Variants in GLRA1 observed in about 807,000 individuals in gnomAD.
GLRA1 encodes glycine receptor alpha 1, also known as glycine receptor subunit alpha-1.
A neutral mutation model predicts 48.3 loss-of-function variants in GLRA1; 37 were observed. The ratio of observed to expected loss-of-function variants is 0.77; its 90% confidence interval spans 0.59 to 1.01. The LOEUF (loss-of-function observed/expected upper bound fraction) is 1.01. Among genes scored for constraint, GLRA1 ranks in the 50% least tolerant of loss-of-function variants. The pLI, the probability that GLRA1 is intolerant of heterozygous loss-of-function variation, is 0.00. For synonymous variants in GLRA1, 196 were observed against 210.7 expected, an observed-to-expected ratio of 0.93 and a Z score of 0.60; for missense variants, 427 against 571.0, an observed-to-expected ratio of 0.75 and a Z score of 2.57.
chr5:151,924,421 C>A lies in GLRA1; in HGVS notation c.56+73G>T, dbSNP rs1199487547. 7 of 931,936 alleles carry A rather than the reference C, an allele frequency of 7.5e-6. No individual in the cohort carries two copies. In the East Asian group the frequency reaches 1.7e-4, roughly 22 times the overall value. 57.7% of individuals were successfully genotyped at this position (931,936 alleles called of 1,614,324 possible). A position where few individuals can be genotyped will look rare whatever the true frequency, so the allele number is the denominator to read the frequency against. On this transcript the variant is annotated intron_variant, in intron 1 of 8. Coordinates refer to ENST00000274576, the MANE Select transcript of GLRA1 (RefSeq NM_000171.4). ...CCTCTTCCCCAAAATGATGGGACCACGGACAGAGGTAGCCTCCGTACTCTT... is the reference window on the plus strand; with the variant it reads ...CCTCTTCCCCAAAATGATGGGACCAAGGACAGAGGTAGCCTCCGTACTCTT...
chr5:151,849,133 TTTC>T lies in GLRA1; in HGVS notation c.912+2254_912+2256del, dbSNP rs1561554326. 1,246 of 210,486 alleles carry T rather than the reference TTTC, an allele frequency of 5.9e-3. 72 individuals are homozygous for T. Among genetic ancestry groups the T allele is most frequent in the African/African-American group, 0.049 (1,152 of 23,278 alleles). 13.0% of individuals were successfully genotyped at this position (210,486 alleles called of 1,614,324 possible). ...CTTTCTTTCTTTCTTTCTTTCTTTC[TTTC>T]TTTCTTTCTTTCTTTCTTTTCTTTT... is the stretch of plus-strand genomic sequence containing the variant. On this transcript the variant is annotated intron_variant, in intron 7 of 8. Transcript: ENST00000274576.
At chr5:151,826,719 G>A (rs1225100870) in intron 8 of GLRA1, among the ~76,000 whole-genome samples, 1 of 152,154 alleles carries the variant, frequency 6.6e-6, no homozygotes, top group Admixed American at 6.6e-5. Flanking sequence ...TTCTTTTAGT[G>A]TGTCAAACTG....
Position 151,850,692 on chromosome 5 carries a change from G to C in GLRA1, c.912+698C>G, listed in dbSNP as rs6896784. 13,588 of 1,208,984 alleles carry C rather than the reference G, an allele frequency of 0.011. 1,057 individuals carry two copies. The African/African-American group carries it at 0.17, about 15-fold the overall frequency. The allele number at this position is 1,208,984 out of a possible 1,614,324, so 74.9% of individuals were successfully genotyped here. ...GAGAAGAAGGGTTACTTTGAAGACT[G>C]TTGCCCCTCTGCCACTGCGAACCCT... On this transcript the variant is annotated intron_variant, in intron 7 of 8. Transcript: ENST00000274576.
intron 1 of GLRA1, among the ~76,000 whole-genome samples, chr5:151,897,299 C>G (rs903015713): frequency 6.6e-6 from 1 of 152,150 alleles, no homozygotes; most frequent in South Asian, 2.1e-4. Context: ...AGATATGCAT[C>G]GGGGAGCTCT....
At position 151,885,384 on chromosome 5, in the gene GLRA1, A is replaced by G. The variant is rs1753874594; in HGVS notation, c.252+1337T>C. ...ACATAAGCAGGTTGGTACAGTGGTA[A>G]TTGTAAGTGACAAGTGCTGTTGTGG... On this transcript the variant is annotated intron_variant, in intron 3 of 8. Coordinates refer to ENST00000274576, the MANE Select transcript of GLRA1 (RefSeq NM_000171.4). Among the ~76,000 whole-genome samples the G allele has an allele frequency of 2.0e-5, 3 of 152,206 alleles. No individual in the cohort carries two copies. The South Asian group carries it at 6.2e-4, about 31-fold the overall frequency.
intron 1 of GLRA1, among the ~76,000 whole-genome samples, chr5:151,899,394 G>A (rs1228563309): frequency 6.6e-6 from 1 of 152,132 alleles, no homozygotes. Context: ...GTGTATTCAG[G>A]GGAGAAAGCT....
chr5:151,874,344 G>C (rs1178650178), intron 3 of GLRA1, among the ~76,000 whole-genome samples: 1 of 152,196 alleles, frequency 6.6e-6, no homozygotes, highest in Non-Finnish European at 1.5e-5. Context: ...CCAACATTAT[G>C]CAATATATCC....
chr5:151,905,831 T>G (rs1754460938), intron 1 of GLRA1, among the ~76,000 whole-genome samples: 1 of 152,232 alleles, frequency 6.6e-6, no homozygotes, highest in African/African-American at 2.4e-5. Context: ...TTGTAGACAT[T>G]GGAACGTGCT....
intron 1 of GLRA1, among the ~76,000 whole-genome samples, chr5:151,906,660 G>A (rs919847660): frequency 6.6e-6 from 1 of 152,084 alleles, no homozygotes; most frequent in Non-Finnish European, 1.5e-5. Context: ...TCCAGACATC[G>A]AGCTTTGCAA....
intron 6 of GLRA1, among the ~76,000 whole-genome samples, chr5:151,854,678 T>C (rs1001946583): frequency 6.6e-5 from 10 of 152,238 alleles, no homozygotes; most frequent in African/African-American, 2.4e-4. Flanking sequence ...TGAGGTCTAT[T>C]GTGAGCATTC....
chr5:151,848,851 GC>G, intron 7 of GLRA1: 1 of 571,412 alleles, frequency 1.8e-6, no homozygotes. Flanking sequence ...ACCTTTACCC[GC>G]CCGCCTGCTC....
At chr5:151,859,402 G>T (rs1753134855) in intron 4 of GLRA1, among the ~76,000 whole-genome samples, 1 of 152,274 alleles carries the variant, frequency 6.6e-6, no homozygotes, top group South Asian at 2.1e-4. Context: ...CATCCACCTG[G>T]CAGGCTCATT....
chr5:151,904,714 G>A (rs1413440088), intron 1 of GLRA1, among the ~76,000 whole-genome samples: 1 of 152,152 alleles, frequency 6.6e-6, no homozygotes, highest in African/African-American at 2.4e-5. Flanking sequence ...GTAAAATGAG[G>A]GTGATAGTAG....
intron 7 of GLRA1, among the ~76,000 whole-genome samples, chr5:151,831,142 C>T (rs993591949): frequency 3.9e-5 from 6 of 152,240 alleles, no homozygotes; most frequent in Non-Finnish European, 8.8e-5. Context: ...TTCCCAGTGT[C>T]TTTGCAACCC....
Position 151,890,366 on chromosome 5 carries a change from G to A in GLRA1, c.184+1945C>T, listed in dbSNP as rs943415677. ...CATTCAACAAACGAATGAGTTCCTC[G>A]TTTCTCAGAGCAAGACCATGGCCCC... On this transcript the variant is annotated intron_variant, in intron 2 of 8. Transcript: ENST00000274576. Among the ~76,000 whole-genome samples, 11 of 152,232 alleles carry A rather than the reference G, an allele frequency of 7.2e-5. No individual in the cohort carries two copies. The South Asian group carries it at 1.2e-3, about 17-fold the overall frequency.
Position 151,822,701 on chromosome 5 carries a change from A to G in GLRA1, c.1322T>C (p.Val441Ala), listed in dbSNP as rs1416379523. 6.2e-7 allele frequency: 1 copy of G among 1,613,792 alleles called. No homozygotes were observed. Among genetic ancestry groups the G allele is most frequent in the Admixed American group, 1.7e-5 (1 of 60,016 alleles). ...CTGGTTGTGGACGTCCTCTCTACGG[A>G]CAATCTTGTAGATGATCCAGTAGAA... ...NMFYWIIYKI[V>A]RREDVHNQ The change falls in exon 9 of 9, where the codon GTC becomes GCC. Residue 441 changes from valine (V) to alanine (A), a missense_variant. By Grantham distance (64) the Val-to-Ala change is moderately conservative. Transcript: ENST00000274576.
chr5:151,896,819 C>T (rs991740679), intron 1 of GLRA1, among the ~76,000 whole-genome samples: 3 of 152,134 alleles, frequency 2.0e-5, no homozygotes, highest in Admixed American at 6.5e-5. Context: ...ATATTACTTG[C>T]CATAATGGAA....
chr5:151,849,243 TTCC>T (rs1355938592), intron 7 of GLRA1, among the ~76,000 whole-genome samples: 1 of 100,116 alleles, frequency 1.0e-5, no homozygotes, highest in East Asian at 2.5e-4. Flanking sequence ...CCTTCCTTCC[TTCC>T]TTCCCTTCTT....
At chr5:151,845,482 C>T (rs1752653029) in intron 7 of GLRA1, among the ~76,000 whole-genome samples, 1 of 152,142 alleles carries the variant, frequency 6.6e-6, no homozygotes, top group Admixed American at 6.5e-5. Flanking sequence ...CAATGCTCAG[C>T]ATTATTATTC....
Sources: gnomAD v4.1 joint callset for allele counts (sites outside exome capture counted in the v4.1 genomes callset) on GRCh38, gnomAD v4.1.1 for gene constraint, MANE v1.5 for transcripts, NCBI Gene and HGNC (gene_info 2026-07-23, HGNC 2026-07-21) for gene names.